Variants in FCRL4 observed in about 807,000 individuals in gnomAD.
The protein encoded by FCRL4 is Fc receptor like 4, also known as Fc receptor-like protein 4.
Under a neutral mutation model 64.1 loss-of-function variants are expected in FCRL4, and 43 were observed. The ratio of observed to expected loss-of-function variants is 0.67; its 90% CI spans 0.53 to 0.87. FCRL4 has a LOEUF of 0.87. Among genes scored for constraint, FCRL4 ranks in the 40% least tolerant of loss-of-function variants. FCRL4 has a pLI of 0.00. For synonymous variants in FCRL4, 253 were observed against 239.8 expected (o/e 1.05, Z -0.51); for missense variants, 656 against 613.5 (o/e 1.07, Z -0.73).
Position 157,587,477 on chromosome 1 carries a change from G to T in FCRL4, c.646C>A (p.Leu216Ile). The T allele has an allele frequency of 6.2e-7, 1 of 1,614,206 alleles. No individual in the cohort carries two copies. The highest frequency in any genetic ancestry group is 1.1e-5 in the South Asian group (1 of 91,086). The change falls in exon 5 of 12, where the codon CTT (leucine) becomes ATT (isoleucine). Residue 216 changes from leucine to isoleucine, a missense_variant. Leu to Ile is a conservative substitution (Grantham distance 5). Coordinates refer to ENST00000271532, the MANE Select transcript of FCRL4 (RefSeq NM_031282.3). ...GGGGTGTCTGACCGCTCTGGAGGAA[G>T]CTGTGTTTCACAGCTCAGGTTTACA... Reference protein sequence around the residue: ...NSVNLSCETQLPPERSDTPLH... With the variant: ...NSVNLSCETQIPPERSDTPLH...
Position 157,574,171 on chromosome 1 carries a change from C to T in FCRL4, c.*1353G>A, listed in dbSNP as rs1426868006. 1 of 220,284 alleles carries T rather than the reference C, an allele frequency of 4.5e-6. No individual in the cohort carries two copies. The highest frequency in any genetic ancestry group is 9.1e-6 in the Non-Finnish European group (1 of 110,122). 13.6% of individuals were successfully genotyped at this position (220,284 alleles called of 1,614,324 possible). A position where few individuals can be genotyped will look rare whatever the true frequency, so the allele number is the denominator to read the frequency against. On this transcript the variant is annotated 3_prime_UTR_variant, in exon 12 of 12. Transcript: ENST00000271532. ...TACTTTTCTTCATTTTTCTTTTCTT[C>T]TCTCTCCCTTTCTTCCTCCCTCTCT...
At chr1:157,587,586 C>T (rs750040821) in intron 4 of FCRL4, 26 bp from the exon 5 acceptor site, 7 of 1,606,472 alleles carry the variant, frequency 4.4e-6, no homozygotes, top group East Asian at 2.2e-5. Flanking sequence ...AAGTCAAGTT[C>T]TGAGCACGAG....
Position 157,575,528 on chromosome 1 carries a change from C to A in FCRL4, c.1544G>T (p.Ser515Ile). Reference protein sequence around the residue: ...AGKISSKDEES With the variant: ...AGKISSKDEEI ...TTCTCGTAACTTTTCATTCTCTTAA[C>A]TTTCTTCATCCTTAGAGCTGATCTT... The change falls in exon 12 of 12, where the codon AGT becomes ATT. Residue 515 changes from serine (S) to isoleucine (I), a missense_variant. By Grantham distance (142) the Ser-to-Ile change is moderately radical (BLOSUM62 -2). Transcript: ENST00000271532. The A allele has an allele frequency of 6.2e-7, 1 of 1,612,758 alleles. No individual in the cohort carries two copies.
chr1:157,589,915 G>T (rs927070486), intron 2 of FCRL4, among the ~76,000 whole-genome samples: 2 of 152,154 alleles, frequency 1.3e-5, no homozygotes, highest in African/African-American at 4.8e-5. Context: ...TTGAGCTAAA[G>T]GCTATTGAGA....
At chr1:157,594,933 C>T (rs1454684068) in intron 2 of FCRL4, among the ~76,000 whole-genome samples, 1 of 152,238 alleles carries the variant, frequency 6.6e-6, no homozygotes, top group Non-Finnish European at 1.5e-5. Context: ...TAGAGTCTTA[C>T]TCTTGCCCAG....
At position 157,575,549 on chromosome 1, in the gene FCRL4, A is replaced by G. The variant is rs769920992; in HGVS notation, c.1523T>C (p.Ile508Thr). 1.2e-6 allele frequency: 2 copies of G among 1,613,680 alleles called. No individual in the cohort carries two copies. Residue 508 changes from isoleucine to threonine, a missense_variant, in exon 12 of 12, where the codon ATC (isoleucine) becomes ACC (threonine). Ile to Thr is a moderately conservative substitution (Grantham distance 89). Transcript: ENST00000271532. ...TTAACTTTCTTCATCCTTAGAGCTGATCTTTCCAGCTGAGTTATCTGGGTG... is the reference window on the plus strand; with the variant it reads ...TTAACTTTCTTCATCCTTAGAGCTGGTCTTTCCAGCTGAGTTATCTGGGTG... ...TQHPDNSAGK[I>T]SSKDEES
chr1:157,586,894 G>A lies in FCRL4; in HGVS notation c.847+382C>T, dbSNP rs1427061302. 2.6e-5 allele frequency among the ~76,000 whole-genome samples: 4 copies of A among 152,312 alleles called. No individual in the cohort carries two copies. In the East Asian group the frequency reaches 7.7e-4, roughly 29 times the overall value. ...TGTACACATCATAGGCACTCACACT[G>A]TTCATTGCTACTGACCAGGAAAAGG... is the stretch of plus-strand genomic sequence containing the variant. On this transcript the variant is annotated intron_variant, in intron 5 of 11. Coordinates refer to ENST00000271532, the MANE Select transcript of FCRL4 (RefSeq NM_031282.3).
chr1:157,591,145 C>T (rs145440191), intron 2 of FCRL4, among the ~76,000 whole-genome samples: 8 of 152,248 alleles, frequency 5.3e-5, no homozygotes, highest in East Asian at 1.9e-4. Context: ...AAGATGAATG[C>T]GCCTGAAGGA....
chr1:157,576,204 A>G (rs1305697548), intron 10 of FCRL4, among the ~76,000 whole-genome samples: 1 of 152,170 alleles, frequency 6.6e-6, no homozygotes, highest in African/African-American at 2.4e-5. Context: ...CCAGAGTGAG[A>G]GGTAAGTTTA....
At chr1:157,577,665 C>G (rs1025553942) in intron 10 of FCRL4, among the ~76,000 whole-genome samples, 1 of 152,186 alleles carries the variant, frequency 6.6e-6, no homozygotes, top group Non-Finnish European at 1.5e-5. Context: ...ATTTGTAGGA[C>G]AGTACCAGAG....
intron 1 of FCRL4, 111 bp downstream of exon 1, chr1:157,597,803 C>T: frequency 1.4e-6 from 1 of 717,150 alleles, no homozygotes; most frequent in African/African-American, 1.8e-5. Context: ...TCATTTTCTG[C>T]TGTTCTAAAA....
intron 1 of FCRL4, 36 bp downstream of exon 1, chr1:157,597,878 T>C (rs764787015): frequency 6.2e-7 from 1 of 1,602,818 alleles, no homozygotes; most frequent in Non-Finnish European, 8.5e-7. Context: ...GAGGCTCAGC[T>C]TTGCAGCAAG....
chr1:157,586,384 C>T lies in FCRL4; in HGVS notation c.919G>A (p.Val307Ile), dbSNP rs1250484877. 1.9e-6 allele frequency: 3 copies of T among 1,613,142 alleles called. No homozygotes were observed. The highest frequency in any genetic ancestry group is 1.3e-5 in the African/African-American group (1 of 74,874). ...CCTTCAGCCACGGAGCAGACAAGGACCAGCATCTCCCCTTCAACAGCCTGG... is the reference window on the plus strand; with the variant it reads ...CCTTCAGCCACGGAGCAGACAAGGATCAGCATCTCCCCTTCAACAGCCTGG... ...GGQAVEGEML[V>I]LVCSVAEGTG... The change falls in exon 6 of 12, where the codon GTC becomes ATC. Residue 307 changes from valine to isoleucine, a missense_variant. Transcript: ENST00000271532.
intron 2 of FCRL4, among the ~76,000 whole-genome samples, chr1:157,593,808 T>C (rs72706372): frequency 2.4e-3 from 360 of 152,330 alleles, no homozygotes; most frequent in Non-Finnish European, 3.5e-3. Context: ...ATTTTCTGAG[T>C]TTTGTAGTTC....
chr1:157,585,344 C>CTCTCTCTT (rs1386601138), intron 6 of FCRL4, among the ~76,000 whole-genome samples: 1,589 of 81,198 alleles, frequency 0.02, 43 homozygotes, highest in East Asian at 0.034. Flanking sequence ...CTTTCTCTCT[C>CTCTCTCTT]TCTTTCTTTC....
rs576521453 is a variant in FCRL4 at position 157,586,404 on chromosome 1, G to A, written c.899C>T (p.Ala300Val). 8.7e-6 allele frequency: 14 copies of A among 1,612,770 alleles called. No individual in the cohort carries two copies. The South Asian group carries it at 1.2e-4, about 14-fold the overall frequency. Residue 300 changes from alanine (A) to valine (V), a missense_variant, in exon 6 of 12, where the codon GCT (alanine) becomes GTT (valine). By Grantham distance (64) the Ala-to-Val change is moderately conservative. Coordinates refer to ENST00000271532, the MANE Select transcript of FCRL4 (RefSeq NM_031282.3). The stretch of plus-strand genomic sequence containing the variant: ...AAGGACCAGCATCTCCCCTTCAACA[G>A]CCTGGCCCCCTGAGGGCTGGGTCTC... ...LLETQPSGGQ[A>V]VEGEMLVLVC...
intron 2 of FCRL4, among the ~76,000 whole-genome samples, chr1:157,592,812 G>A (rs1237456363): frequency 1.3e-5 from 2 of 152,148 alleles, no homozygotes; most frequent in East Asian, 1.9e-4. Flanking sequence ...CACTGTTCAC[G>A]ATAGCAAAGA....
chr1:157,579,298 A>G (rs879595068), intron 8 of FCRL4, among the ~76,000 whole-genome samples: 1 of 152,238 alleles, frequency 6.6e-6, no homozygotes, highest in Admixed American at 6.5e-5. Context: ...TAAGCCTGGC[A>G]GGTCAAGACT....
rs752820887 is a variant in FCRL4, at chr1:157,584,397, A to C, written c.1135+1771T>G. On this transcript the variant is annotated intron_variant, in intron 6 of 11. Transcript: ENST00000271532. ...TAAATTAAAAAAAAAATAGCTGGCC[A>C]TGGTGGCACATGCCTGTAGTCCCAG... is the stretch of plus-strand genomic sequence containing the variant. Among the ~76,000 whole-genome samples, 9 of 152,110 alleles carry C rather than the reference A, an allele frequency of 5.9e-5. 1 individual carries two copies. Among genetic ancestry groups the C allele is most frequent in the Non-Finnish European group, 1.0e-4 (7 of 68,010 alleles).
Sources: allele counts gnomAD v4.1 joint callset (sites outside exome capture counted in the v4.1 genomes callset), GRCh38; gene constraint gnomAD v4.1.1; transcripts MANE v1.5; gene names NCBI Gene and HGNC (gene_info 2026-07-23, HGNC 2026-07-21).